Variants in FBXO6 observed in about 807,000 individuals in gnomAD.
The protein encoded by FBXO6 is F-box only protein 6.
In FBXO6, 13 loss-of-function variants were observed where a neutral mutation model predicts 25.0. The ratio of observed to expected loss-of-function variants is 0.52; its 90% CI spans 0.34 to 0.83. The LOEUF is 0.83. FBXO6 is among the 40% of genes least tolerant of loss of function. FBXO6 has a pLI of 0.02. For synonymous variants in FBXO6, 138 were observed against 155.3 expected (o/e 0.89, Z 0.83); for missense variants, 370 against 380.2 (o/e 0.97, Z 0.22).
chr1:11,669,023 A>G, intron 2 of FBXO6, 79 bp downstream of exon 2: 1 of 1,527,190 alleles, frequency 6.5e-7, no homozygotes. Flanking sequence ...CAATTCCCAC[A>G]CTACCTGGAA....
intron 1 of FBXO6, among the ~76,000 whole-genome samples, chr1:11,665,577 T>TTTTTTTTTTTTTTTTC (rs1640406884): frequency 8.1e-6 from 1 of 123,686 alleles, no homozygotes; most frequent in Non-Finnish European, 1.6e-5. Context: ...TTTTTTTTTT[T>TTTTTTTTTTTTTTTTC]TGAGACAGAT....
chr1:11,673,608 C>T lies in FBXO6; in HGVS notation c.646-7C>T. The T allele has an allele frequency of 1.9e-6, 3 of 1,611,526 alleles. No individual in the cohort carries two copies. The highest frequency in any genetic ancestry group is 1.7e-4 in the Middle Eastern group (1 of 6,052). On this transcript the variant is annotated splice_polypyrimidine_tract_variant and splice_region_variant and intron_variant, in intron 5 of 5. Transcript: ENST00000376753. This position sits in a 1 kb window ranked among gnomAD's most constrained non-coding sequence, Gnocchi z 4.3. ...GGTGGTCACTTCCTCTCCCTTCCTC[C>T]CAACAGGTCTCCTACACCTTCTCAG...
chr1:11,673,358 C>G lies in FBXO6; in HGVS notation c.591C>G (p.Ser197=), dbSNP rs747445618. The change falls in exon 5 of 6, where the codon TCC becomes TCG. Residue 197 remains serine (S), a synonymous_variant. Coordinates refer to ENST00000376753, the MANE Select transcript of FBXO6 (RefSeq NM_018438.6). This position sits in a 1 kb window ranked among gnomAD's most constrained non-coding sequence, Gnocchi z 4.3. ...CGGCTGACTACTTCGTGTTGGCCTC[C>G]TTCGAGCCCCCACCTGTGACCATCC... ...LASADYFVLA[S]FEPPPVTIQQ... The G allele has an allele frequency of 6.8e-6, 11 of 1,614,096 alleles. No individual in the cohort carries two copies. The highest frequency in any genetic ancestry group is 8.5e-6 in the Non-Finnish European group (10 of 1,180,020).
intron 1 of FBXO6, among the ~76,000 whole-genome samples, chr1:11,666,848 G>C (rs780063586): frequency 3.9e-5 from 6 of 152,116 alleles, no homozygotes; most frequent in Non-Finnish European, 7.4e-5. Context: ...TGGAAAATCA[G>C]AAGAGGCCAC....
At chr1:11,672,541 C>T (rs150934503) in intron 4 of FBXO6, among the ~76,000 whole-genome samples, 5,448 of 152,272 alleles carry the variant, frequency 0.036, 118 homozygotes, top group Middle Eastern at 0.075. Flanking sequence ...CCACCCACCT[C>T]GGCCTCCCAA....
At chr1:11,671,052 T>C (rs1026541177) in intron 2 of FBXO6, among the ~76,000 whole-genome samples, 3 of 152,044 alleles carry the variant, frequency 2.0e-5, no homozygotes, top group Non-Finnish European at 4.4e-5. Flanking sequence ...CTTGGGCTGG[T>C]GGGGTACCTT....
At chr1:11,667,671 G>A (rs1472662915) in intron 1 of FBXO6, among the ~76,000 whole-genome samples, 2 of 152,064 alleles carry the variant, frequency 1.3e-5, no homozygotes, top group African/African-American at 2.4e-5. Context: ...GTGCCGTGGG[G>A]GATTCCCATG....
chr1:11,672,205 C>T, intron 4 of FBXO6, 182 bp downstream of exon 4: 1 of 602,896 alleles, frequency 1.7e-6, no homozygotes, highest in South Asian at 1.9e-5. Flanking sequence ...CTCCCCACCA[C>T]CCTGTGACGT....
At chr1:11,664,793 C>A (rs1314493413) in intron 1 of FBXO6, 1 of 152,030 alleles carries the variant, frequency 6.6e-6, no homozygotes, top group Non-Finnish European at 1.5e-5. Flanking sequence ...AAGGCGAGCA[C>A]GAGACGCCGG....
chr1:11,668,405 T>G (rs1465771066), intron 1 of FBXO6, among the ~76,000 whole-genome samples: 2 of 151,322 alleles, frequency 1.3e-5, no homozygotes, highest in South Asian at 2.1e-4. Flanking sequence ...TTGTGGGTTT[T>G]TTTTTTTTTT....
At chr1:11,664,496 C>G (rs1213396325) in intron 1 of FBXO6, 2 of 145,194 alleles carry the variant, frequency 1.4e-5, no homozygotes, top group Non-Finnish European at 3.0e-5. Flanking sequence ...GTTCACGGAG[C>G]CTGCGGGCGC....
intron 1 of FBXO6, among the ~76,000 whole-genome samples, chr1:11,665,418 G>C (rs1467710927): frequency 6.6e-6 from 1 of 150,840 alleles, no homozygotes; most frequent in Non-Finnish European, 1.5e-5. Context: ...ACCAAGCCCG[G>C]CTAATTTTTT....
chr1:11,666,708 G>T (rs1008075757), intron 1 of FBXO6, among the ~76,000 whole-genome samples: 1 of 152,134 alleles, frequency 6.6e-6, no homozygotes, highest in African/African-American at 2.4e-5. Context: ...CGAGGCACAA[G>T]TACCTCACCT....
At chr1:11,665,931 T>G (rs1168872896) in intron 1 of FBXO6, among the ~76,000 whole-genome samples, 1 of 151,976 alleles carries the variant, frequency 6.6e-6, no homozygotes, top group Admixed American at 6.5e-5. Context: ...TGACAACTTT[T>G]ACATTTTTTT....
chr1:11,672,181 C>T lies in FBXO6; in HGVS notation c.509+158C>T, dbSNP rs373890136. ...GCCCCTGCTCTGCACCCACACCCTG[C>T]GGCACCTCCTGGCCTCCCCACCACC... On this transcript the variant is annotated intron_variant, in intron 4 of 5. Coordinates refer to ENST00000376753, the MANE Select transcript of FBXO6 (RefSeq NM_018438.6). 211 of 634,196 alleles carry T rather than the reference C, an allele frequency of 3.3e-4. 4 individuals are homozygous for T. The East Asian group carries it at 5.1e-3, about 15-fold the overall frequency. The allele number at this position is 634,196 out of a possible 1,614,324, so 39.3% of individuals were successfully genotyped here.
intron 1 of FBXO6, 64 bp from the exon 2 acceptor site, chr1:11,668,592 G>C: frequency 6.4e-7 from 1 of 1,571,770 alleles, no homozygotes; most frequent in Non-Finnish European, 8.7e-7. Context: ...TCCCTGGCCT[G>C]GTTCCCTGGG....
At position 11,674,020 on chromosome 1, in the gene FBXO6, T is replaced by G; in HGVS notation, c.*169T>G. ...TGACGTTTTGTTGTAATAAATGTTT[T>G]CAGGCCGGGCACTGTGGCTCACGCC... On this transcript the variant is annotated 3_prime_UTR_variant, in exon 6 of 6. Transcript: ENST00000376753. The surrounding 1 kb of genome is among the most constrained non-coding windows in gnomAD (Gnocchi z 6.1). 1.6e-6 allele frequency: 1 copy of G among 636,656 alleles called. No homozygotes were observed. The allele number at this position is 636,656 out of a possible 1,614,324, so 39.4% of individuals were successfully genotyped here.
chr1:11,669,399 G>A (rs1357223970), intron 2 of FBXO6, among the ~76,000 whole-genome samples: 2 of 152,068 alleles, frequency 1.3e-5, no homozygotes, highest in East Asian at 3.9e-4. Flanking sequence ...GGGAGGCAGA[G>A]GTTGCGGTGA....
chr1:11,672,032 G>C lies in FBXO6; in HGVS notation c.509+9G>C, dbSNP rs1640633166. The C allele has an allele frequency of 5.0e-6, 8 of 1,610,936 alleles. No homozygotes were observed. Among genetic ancestry groups the C allele is most frequent in the Non-Finnish European group, 5.9e-6 (7 of 1,177,240 alleles). ...ATCGTGGTTAAGGACTGGTGAGTAG[G>C]GTCCATGGCCTGTGTCCCCACACTC... On this transcript the variant is annotated intron_variant, in intron 4 of 5. Coordinates refer to ENST00000376753, the MANE Select transcript of FBXO6 (RefSeq NM_018438.6).
Sources: allele counts gnomAD v4.1 joint callset (sites outside exome capture counted in the v4.1 genomes callset), GRCh38; gene constraint gnomAD v4.1.1; non-coding constraint Gnocchi (gnomAD v3.1); transcripts MANE v1.5; gene names NCBI Gene and HGNC (gene_info 2026-07-23, HGNC 2026-07-21).